ARHGAP15: variants seen among roughly 807,000 people sequenced by gnomAD.
ARHGAP15 encodes the protein rho GTPase-activating protein 15.
ARHGAP15 carries 51 observed loss-of-function variants against 63.7 expected under a neutral mutation model. The observed-to-expected ratio is 0.80, with a 90% CI of 0.64 to 1.01. The LOEUF is 1.01. Among genes scored for constraint, ARHGAP15 ranks in the 50% least tolerant of loss-of-function variants. The pLI is 0.00. For missense variants in ARHGAP15, 560 were observed against 564.6 expected (o/e 0.99, Z 0.08); for synonymous variants, 191 against 193.8 (o/e 0.99, Z 0.12).
chr2:143,581,195 C>A (rs1420923900), intron 11 of ARHGAP15, among the ~76,000 whole-genome samples: 2 of 152,026 alleles, frequency 1.3e-5, no homozygotes, highest in African/African-American at 4.8e-5. Flanking sequence ...CCAGAAGATG[C>A]AAGTGCCAAG....
At chr2:143,297,748 A>G (rs1006299342) in intron 6 of ARHGAP15, among the ~76,000 whole-genome samples, 29 of 152,050 alleles carry the variant, frequency 1.9e-4, no homozygotes. Flanking sequence ...GAAACTAAGA[A>G]GAGCTACAAT....
chr2:143,691,989 A>G (rs1683622571), intron 12 of ARHGAP15, among the ~76,000 whole-genome samples: 1 of 152,218 alleles, frequency 6.6e-6, no homozygotes, highest in Non-Finnish European at 1.5e-5. Context: ...CTCCGATGAA[A>G]TTAAAATGCA....
chr2:143,153,390 A>T (rs1197484481), intron 1 of ARHGAP15, among the ~76,000 whole-genome samples: 2 of 151,962 alleles, frequency 1.3e-5, no homozygotes, highest in African/African-American at 4.8e-5. Flanking sequence ...TTTCATACTT[A>T]TTGAAAAAAA....
At chr2:143,666,256 A>G (rs1201517570) in intron 12 of ARHGAP15, among the ~76,000 whole-genome samples, 1 of 146,502 alleles carries the variant, frequency 6.8e-6, no homozygotes. Flanking sequence ...GCCCTCAGAA[A>G]TAATGCCGCA....
intron 12 of ARHGAP15, among the ~76,000 whole-genome samples, chr2:143,661,403 T>G (rs1247257755): frequency 6.6e-6 from 1 of 152,144 alleles, no homozygotes; most frequent in Admixed American, 6.5e-5. Flanking sequence ...TTATATAGAT[T>G]AATAAAACAA....
intron 11 of ARHGAP15, among the ~76,000 whole-genome samples, chr2:143,580,576 G>A (rs1344038207): frequency 2.0e-5 from 3 of 151,914 alleles, no homozygotes; most frequent in Non-Finnish European, 4.4e-5. Flanking sequence ...AAGTTCCTGT[G>A]ATGAATTCAG....
intron 9 of ARHGAP15, among the ~76,000 whole-genome samples, chr2:143,513,974 T>C (rs1693694574): frequency 6.6e-6 from 1 of 152,226 alleles, no homozygotes; most frequent in African/African-American, 2.4e-5. Flanking sequence ...GATGATAGTA[T>C]ACACGCTCAA....
chr2:143,542,992 G>A (rs1695171036), intron 10 of ARHGAP15, among the ~76,000 whole-genome samples: 1 of 150,722 alleles, frequency 6.6e-6, no homozygotes, highest in South Asian at 2.1e-4. Context: ...TGTAAATATT[G>A]CTGTAATAAA....
chr2:143,707,876 G>A (rs1006370514), intron 13 of ARHGAP15, among the ~76,000 whole-genome samples: 11 of 152,182 alleles, frequency 7.2e-5, no homozygotes, highest in Non-Finnish European at 1.3e-4. Flanking sequence ...TTCAAAGAGA[G>A]CATAATTATA....
chr2:143,239,568 T>C (rs1693778404), intron 5 of ARHGAP15, among the ~76,000 whole-genome samples: 1 of 152,202 alleles, frequency 6.6e-6, no homozygotes, highest in Non-Finnish European at 1.5e-5. Context: ...TAATGAACTA[T>C]TAACTTTTCC....
At chr2:143,612,537 G>C (rs917952610) in intron 11 of ARHGAP15, among the ~76,000 whole-genome samples, 4 of 152,134 alleles carry the variant, frequency 2.6e-5, no homozygotes, top group African/African-American at 4.8e-5. Flanking sequence ...CGTTTCATCT[G>C]TCACCTGTCA....
intron 10 of ARHGAP15, among the ~76,000 whole-genome samples, chr2:143,532,167 G>A (rs1343341992): frequency 6.6e-6 from 1 of 152,164 alleles, no homozygotes; most frequent in Non-Finnish European, 1.5e-5. Context: ...CTTTTCTAGT[G>A]AGAAAAATAT....
chr2:143,326,629 T>G (rs1344125651), intron 6 of ARHGAP15, among the ~76,000 whole-genome samples: 20 of 152,184 alleles, frequency 1.3e-4, no homozygotes, highest in Admixed American at 1.3e-3. Context: ...CATTTTGACA[T>G]TTAATTACAC....
chr2:143,494,595 A>G (rs983605516), intron 9 of ARHGAP15, among the ~76,000 whole-genome samples: 5 of 152,024 alleles, frequency 3.3e-5, no homozygotes, highest in African/African-American at 4.8e-5. Context: ...TAAATGATCA[A>G]TTTCATCTAT....
chr2:143,747,527 C>T (rs1244420588), intron 13 of ARHGAP15, among the ~76,000 whole-genome samples: 1 of 152,182 alleles, frequency 6.6e-6, no homozygotes, highest in African/African-American at 2.4e-5. Flanking sequence ...CTGTGTTCCA[C>T]CTTTTCATTC....
chr2:143,492,428 A>G (rs559551511), intron 9 of ARHGAP15, among the ~76,000 whole-genome samples: 2 of 152,210 alleles, frequency 1.3e-5, no homozygotes, highest in African/African-American at 2.4e-5. Flanking sequence ...ACTTGTTTTT[A>G]TAAGTATGGC....
At chr2:143,590,900 T>G (rs1334445383) in intron 11 of ARHGAP15, among the ~76,000 whole-genome samples, 2 of 152,094 alleles carry the variant, frequency 1.3e-5, no homozygotes, top group African/African-American at 4.8e-5. Context: ...GTATTCTTGT[T>G]GCCGCTGCTT....
At chr2:143,203,304 T>C (rs1692197087) in intron 3 of ARHGAP15, among the ~76,000 whole-genome samples, 1 of 152,172 alleles carries the variant, frequency 6.6e-6, no homozygotes, top group African/African-American at 2.4e-5. Context: ...TTTCTCCAAA[T>C]AATTGTCTAC....
chr2:143,187,898 T>C (rs963209619), intron 2 of ARHGAP15, among the ~76,000 whole-genome samples: 12 of 152,212 alleles, frequency 7.9e-5, no homozygotes, highest in Non-Finnish European at 1.0e-4. Context: ...CATTACATTG[T>C]AATCAATATT....
Sources: gnomAD v4.1 joint callset for allele counts (sites outside exome capture counted in the v4.1 genomes callset) on GRCh38, gnomAD v4.1.1 for gene constraint, MANE v1.5 for transcripts, NCBI Gene and HGNC (gene_info 2026-07-23, HGNC 2026-07-21) for gene names.